SSBP2: variants seen among roughly 807,000 people sequenced by gnomAD.
The protein encoded by SSBP2 is single stranded DNA binding protein 2.
Under a neutral mutation model 61.8 loss-of-function variants are expected in SSBP2, and 17 were observed. That is an observed-to-expected ratio of 0.28 (90% confidence interval 0.19 to 0.41). The LOEUF (loss-of-function observed/expected upper bound fraction) is 0.41. Among genes scored for constraint, SSBP2 ranks in the 10% least tolerant of loss-of-function variants. The pLI is 1.00. For synonymous variants in SSBP2, 139 were observed against 141.3 expected (o/e 0.98, Z 0.12); for missense variants, 310 against 458.7 (o/e 0.68, Z 2.96).
In SSBP2 at chr5:81,488,065, A is replaced by T. The variant is rs866576633; in HGVS notation, c.432+1185T>A. Among the ~76,000 whole-genome samples, 5 of 97,340 alleles carry T rather than the reference A, an allele frequency of 5.1e-5. No individual in the cohort carries two copies. The South Asian group carries it at 1.4e-3, about 27-fold the overall frequency. 63.9% of individuals were successfully genotyped at this position (97,340 alleles called of 152,430 possible). A position where few individuals can be genotyped will look rare whatever the true frequency, so the allele number is the denominator to read the frequency against. On this transcript the variant is annotated intron_variant, in intron 6 of 16. Transcript: ENST00000320672. ...TATATATATATATATATATAAATAA[A>T]ATATCATATATTATATATATACACA...
intron 6 of SSBP2, among the ~76,000 whole-genome samples, chr5:81,485,998 T>C (rs1215449228): frequency 6.6e-6 from 1 of 152,156 alleles, no homozygotes; most frequent in Non-Finnish European, 1.5e-5. Flanking sequence ...TTTTAAAAAA[T>C]AGTAGAAATG....
At chr5:81,718,846 C>G (rs1174796040) in intron 1 of SSBP2, among the ~76,000 whole-genome samples, 1 of 152,158 alleles carries the variant, frequency 6.6e-6, no homozygotes, top group African/African-American at 2.4e-5. Flanking sequence ...GCAAGTAAGT[C>G]TGTAACTTCT....
intron 5 of SSBP2, among the ~76,000 whole-genome samples, chr5:81,492,574 T>C (rs1264053419): frequency 4.0e-5 from 6 of 151,432 alleles, no homozygotes; most frequent in Non-Finnish European, 8.8e-5. Context: ...CTCTTTATGT[T>C]TGGGGCAACA....
At position 81,658,532 on chromosome 5, in the gene SSBP2, TAC is replaced by T. The variant is rs201039033; in HGVS notation, c.63-8195_63-8194del. On this transcript the variant is annotated intron_variant, in intron 1 of 16. Coordinates refer to ENST00000320672, the MANE Select transcript of SSBP2 (RefSeq NM_012446.5). Reference sequence around the variant, plus strand: ...ACTACCCAGTACAATGTAAATGCTATACAGTTATACTTTTTTATGTTGTATTA... The same window carrying T: ...ACTACCCAGTACAATGTAAATGCTATAGTTATACTTTTTTATGTTGTATTA... 4.9e-3 allele frequency among the ~76,000 whole-genome samples: 748 copies of T among 152,346 alleles called. 7 individuals carry two copies. Among genetic ancestry groups the T allele is most frequent in the African/African-American group, 0.017 (722 of 41,566 alleles).
intron 4 of SSBP2, among the ~76,000 whole-genome samples, chr5:81,577,999 T>G (rs1055401316): frequency 6.6e-6 from 1 of 151,994 alleles, no homozygotes; most frequent in Admixed American, 6.6e-5. Flanking sequence ...CCACATTTTA[T>G]AGAATAAAAA....
At chr5:81,690,141 G>A (rs1753098266) in intron 1 of SSBP2, among the ~76,000 whole-genome samples, 1 of 151,916 alleles carries the variant, frequency 6.6e-6, no homozygotes, top group Non-Finnish European at 1.5e-5. Context: ...CATAATACCA[G>A]AGAAAATCAC....
At chr5:81,462,929 T>C (rs1764642139) in intron 9 of SSBP2, among the ~76,000 whole-genome samples, 1 of 152,022 alleles carries the variant, frequency 6.6e-6, no homozygotes, top group Non-Finnish European at 1.5e-5. Context: ...GATGCATAAA[T>C]AGAATAAACT....
intron 2 of SSBP2, among the ~76,000 whole-genome samples, chr5:81,641,501 T>C (rs1748782696): frequency 6.6e-6 from 1 of 152,160 alleles, no homozygotes; most frequent in East Asian, 1.9e-4. Context: ...ATCCACCCTT[T>C]TATAGTTATT....
At chr5:81,720,876 C>T (rs1581417556) in intron 1 of SSBP2, among the ~76,000 whole-genome samples, 1 of 152,178 alleles carries the variant, frequency 6.6e-6, no homozygotes, top group Admixed American at 6.5e-5. Context: ...GATTATTCCA[C>T]ATAAAAGTAA....
At chr5:81,421,195 C>CT (rs1272636481) in intron 16 of SSBP2, among the ~76,000 whole-genome samples, 1 of 152,030 alleles carries the variant, frequency 6.6e-6, no homozygotes, top group Non-Finnish European at 1.5e-5. Context: ...TGACTCTAAT[C>CT]TTTTTTGTTT....
intron 1 of SSBP2, among the ~76,000 whole-genome samples, chr5:81,680,061 A>C (rs1752271822): frequency 6.6e-6 from 1 of 151,674 alleles, no homozygotes; most frequent in South Asian, 2.1e-4. Flanking sequence ...GAACTCAAAC[A>C]GAAACCGTTC....
At chr5:81,601,012 T>G (rs1744309559) in intron 4 of SSBP2, among the ~76,000 whole-genome samples, 1 of 152,200 alleles carries the variant, frequency 6.6e-6, no homozygotes, top group South Asian at 2.1e-4. Context: ...TACCCAATAG[T>G]GTAATTGACA....
At chr5:81,430,262 TTC>T (rs1306873017) in intron 15 of SSBP2, among the ~76,000 whole-genome samples, 3 of 152,196 alleles carry the variant, frequency 2.0e-5, no homozygotes, top group African/African-American at 4.8e-5. Flanking sequence ...TCTTTTGGAT[TTC>T]TGTCACTTTA....
chr5:81,479,617 C>T (rs1399026817), intron 6 of SSBP2, among the ~76,000 whole-genome samples: 2 of 151,978 alleles, frequency 1.3e-5, no homozygotes, highest in Admixed American at 6.6e-5. Flanking sequence ...AAGATCTACA[C>T]ACTGGCAGAA....
intron 6 of SSBP2, among the ~76,000 whole-genome samples, chr5:81,482,926 G>A (rs1174133707): frequency 6.6e-6 from 1 of 152,106 alleles, no homozygotes; most frequent in Non-Finnish European, 1.5e-5. Flanking sequence ...TGAGCGATGT[G>A]CGACTCTTCT....
intron 2 of SSBP2, among the ~76,000 whole-genome samples, chr5:81,647,767 T>C (rs1391308771): frequency 6.6e-6 from 1 of 152,132 alleles, no homozygotes; most frequent in Non-Finnish European, 1.5e-5. Context: ...CTTGTCAATA[T>C]GTGTGAATCT....
chr5:81,577,880 C>T (rs746809679), intron 4 of SSBP2, among the ~76,000 whole-genome samples: 10 of 151,946 alleles, frequency 6.6e-5, no homozygotes, highest in South Asian at 4.2e-4. Context: ...GTAGACATAG[C>T]GGCTAACATT....
intron 1 of SSBP2, among the ~76,000 whole-genome samples, chr5:81,662,239 G>A (rs1160664051): frequency 6.6e-6 from 1 of 152,132 alleles, no homozygotes; most frequent in Admixed American, 6.5e-5. Context: ...GCCAAGGTGG[G>A]TCAATCACCT....
chr5:81,646,132 C>A (rs1581242521), intron 2 of SSBP2, among the ~76,000 whole-genome samples: 1 of 152,052 alleles, frequency 6.6e-6, no homozygotes, highest in South Asian at 2.1e-4. Flanking sequence ...TTGGCCTTCT[C>A]GCAACTTCAC....
Sources: gnomAD v4.1 joint callset for allele counts (sites outside exome capture counted in the v4.1 genomes callset) on GRCh38, gnomAD v4.1.1 for gene constraint, MANE v1.5 for transcripts, NCBI Gene and HGNC (gene_info 2026-07-23, HGNC 2026-07-21) for gene names.